The following DNM3 variants were observed in gnomAD, a reference collection of about 807,000 sequenced individuals.
The protein encoded by DNM3 is dynamin 3.
Under a neutral mutation model 101.6 loss-of-function variants are expected in DNM3, and 47 were observed. The observed-to-expected ratio is 0.46, with a 90% confidence interval of 0.37 to 0.59. The LOEUF (loss-of-function observed/expected upper bound fraction) is 0.59. Ranked by LOEUF, DNM3 falls within the 20% of genes least tolerant of loss-of-function variation. DNM3 has a pLI of 0.00. For missense variants in DNM3, 849 were observed against 1,085.7 expected, an observed-to-expected ratio of 0.78 and a Z score of 3.06; for synonymous variants, 385 against 387.9, an observed-to-expected ratio of 0.99 and a Z score of 0.09.
intron 16 of DNM3, among the ~76,000 whole-genome samples, chr1:172,321,953 C>T (rs554932627): frequency 2.2e-4 from 33 of 152,140 alleles, no homozygotes; most frequent in African/African-American, 7.7e-4. Flanking sequence ...TTCATTCGTT[C>T]TTATGCCATT....
chr1:172,296,435 G>T (rs958456798), intron 15 of DNM3, among the ~76,000 whole-genome samples: 2 of 152,218 alleles, frequency 1.3e-5, no homozygotes, highest in African/African-American at 2.4e-5. Context: ...CTGGGAGCAA[G>T]CTTGGTGGAT....
intron 14 of DNM3, among the ~76,000 whole-genome samples, chr1:172,212,475 A>G (rs761072781): frequency 1.3e-5 from 2 of 152,202 alleles, no homozygotes; most frequent in African/African-American, 4.8e-5. Flanking sequence ...TTGCAGAAAA[A>G]TTAACCTATT....
At chr1:171,998,737 TG>T (rs2046174648) in intron 4 of DNM3, among the ~76,000 whole-genome samples, 1 of 152,064 alleles carries the variant, frequency 6.6e-6, no homozygotes. Context: ...AGAGATTGAT[TG>T]GGAATGCTGT....
rs575606803 is a variant in DNM3, at chr1:171,895,109, T to G, written c.162-26639T>G. Among the ~76,000 whole-genome samples the G allele has an allele frequency of 2.6e-5, 4 of 152,350 alleles. No individual in the cohort carries two copies. The South Asian group carries it at 6.2e-4, about 24-fold the overall frequency. On this transcript the variant is annotated intron_variant, in intron 1 of 20. Coordinates refer to ENST00000627582, the MANE Select transcript of DNM3 (RefSeq NM_015569.5). ...GCTGCAATAAATATACGTGTGCATG[T>G]GTCTTTATAGTAGTATGATTTATAA...
chr1:172,268,970 G>A (rs2062977318), intron 15 of DNM3, among the ~76,000 whole-genome samples: 1 of 152,104 alleles, frequency 6.6e-6, no homozygotes, highest in Admixed American at 6.6e-5. Context: ...GGGGAATCAG[G>A]CATCGTACTT....
intron 15 of DNM3, among the ~76,000 whole-genome samples, chr1:172,303,904 G>T (rs913749376): frequency 7.2e-5 from 11 of 151,944 alleles, no homozygotes; most frequent in African/African-American, 2.4e-4. Context: ...AGGAACAACT[G>T]GTACCAGACA....
At chr1:172,067,893 A>G (rs902621013) in intron 10 of DNM3, among the ~76,000 whole-genome samples, 7 of 152,326 alleles carry the variant, frequency 4.6e-5, no homozygotes, top group African/African-American at 1.7e-4. Context: ...CATGGGATGA[A>G]TCATGCTCGA....
At chr1:172,000,752 G>T (rs1324321138) in intron 4 of DNM3, among the ~76,000 whole-genome samples, 2 of 152,032 alleles carry the variant, frequency 1.3e-5, no homozygotes, top group African/African-American at 2.4e-5. Context: ...AGAAGGGTTT[G>T]GTAGGAAAGT....
intron 15 of DNM3, among the ~76,000 whole-genome samples, chr1:172,271,131 G>A (rs1428666526): frequency 6.6e-6 from 1 of 152,066 alleles, no homozygotes; most frequent in Non-Finnish European, 1.5e-5. Context: ...TTGTTTATGT[G>A]GACTGTGTGT....
intron 20 of DNM3, among the ~76,000 whole-genome samples, chr1:172,400,317 A>G (rs1474563054): frequency 6.6e-6 from 1 of 151,888 alleles, no homozygotes; most frequent in Non-Finnish European, 1.5e-5. Context: ...TACCCCATTC[A>G]CCATCAGTGG....
intron 17 of DNM3, among the ~76,000 whole-genome samples, chr1:172,369,539 C>T (rs2068209316): frequency 1.3e-5 from 2 of 151,802 alleles, no homozygotes; most frequent in Non-Finnish European, 2.9e-5. Context: ...TCTGGAAGCT[C>T]CTTCTCTAAG....
intron 4 of DNM3, among the ~76,000 whole-genome samples, chr1:172,026,504 G>T (rs921948072): frequency 6.6e-6 from 1 of 152,034 alleles, no homozygotes; most frequent in Non-Finnish European, 1.5e-5. Context: ...ACACATAACC[G>T]TCAGACTCAC....
intron 1 of DNM3, among the ~76,000 whole-genome samples, chr1:171,874,761 C>G (rs2035604744): frequency 6.6e-6 from 1 of 151,126 alleles, no homozygotes; most frequent in Non-Finnish European, 1.5e-5. Flanking sequence ...ATCCTGTCAC[C>G]CCGGTAGTGA....
At chr1:171,948,893 T>C (rs1199722568) in intron 2 of DNM3, among the ~76,000 whole-genome samples, 4 of 152,206 alleles carry the variant, frequency 2.6e-5, no homozygotes, top group African/African-American at 9.6e-5. Flanking sequence ...TGCAGTGTTA[T>C]GTGACTTCTT....
intron 13 of DNM3, among the ~76,000 whole-genome samples, chr1:172,122,902 G>A (rs1378569627): frequency 6.6e-6 from 1 of 152,120 alleles, no homozygotes; most frequent in Non-Finnish European, 1.5e-5. Context: ...TATCGGGGAG[G>A]AAAATGTTCC....
intron 2 of DNM3, among the ~76,000 whole-genome samples, chr1:171,951,325 G>A (rs1189519459): frequency 2.6e-5 from 4 of 152,114 alleles, no homozygotes; most frequent in African/African-American, 9.7e-5. Flanking sequence ...CCAAATAAAT[G>A]TAAGACTTGG....
chr1:172,026,698 A>G (rs2048230857), intron 4 of DNM3, among the ~76,000 whole-genome samples: 1 of 151,394 alleles, frequency 6.6e-6, no homozygotes, highest in South Asian at 2.1e-4. Flanking sequence ...TTTGTTACCC[A>G]GGCTGGAGTG....
At chr1:172,088,013 G>T (rs1254226719) in intron 12 of DNM3, among the ~76,000 whole-genome samples, 1 of 152,084 alleles carries the variant, frequency 6.6e-6, no homozygotes, top group South Asian at 2.1e-4. Context: ...AATTATTTAG[G>T]TTTCCTAGTA....
intron 14 of DNM3, among the ~76,000 whole-genome samples, chr1:172,203,923 T>C (rs1267694299): frequency 6.6e-6 from 1 of 152,292 alleles, no homozygotes; most frequent in East Asian, 1.9e-4. Flanking sequence ...CACTATAAAG[T>C]GGATAAAACT....
Sources: allele counts gnomAD v4.1 joint callset (sites outside exome capture counted in the v4.1 genomes callset), GRCh38; gene constraint gnomAD v4.1.1; transcripts MANE v1.5; gene names NCBI Gene and HGNC (gene_info 2026-07-23, HGNC 2026-07-21).